KIF6: variants seen among roughly 807,000 people sequenced by gnomAD.
KIF6 encodes kinesin family member 6.
KIF6 carries 106 observed loss-of-function variants against 112.7 expected under a neutral mutation model. The observed-to-expected ratio is 0.94, with a 90% CI of 0.80 to 1.11. The LOEUF (loss-of-function observed/expected upper bound fraction) is 1.11. Among genes scored for constraint, KIF6 ranks in the 50% least tolerant of loss-of-function variants. KIF6 has a pLI of 0.00. For missense variants in KIF6, 929 were observed against 964.0 expected (o/e 0.96, Z 0.48); for synonymous variants, 339 against 339.9 (o/e 1.00, Z 0.03).
intron 13 of KIF6, among the ~76,000 whole-genome samples, chr6:39,503,112 G>A (rs1776226311): frequency 6.6e-6 from 1 of 151,234 alleles, no homozygotes; most frequent in Non-Finnish European, 1.5e-5. Context: ...CTCAGCAAAT[G>A]CAACAAAACT....
intron 21 of KIF6, among the ~76,000 whole-genome samples, chr6:39,344,120 A>T (rs1763530122): frequency 6.6e-6 from 1 of 152,138 alleles, no homozygotes; most frequent in African/African-American, 2.4e-5. Flanking sequence ...ACCAGGTGGG[A>T]GATAACTGAA....
At chr6:39,679,453 G>A (rs892454496) in intron 3 of KIF6, among the ~76,000 whole-genome samples, 4 of 152,102 alleles carry the variant, frequency 2.6e-5, no homozygotes, top group African/African-American at 7.2e-5. Flanking sequence ...CATCTGTCCA[G>A]TAGAATTTTA....
intron 13 of KIF6, among the ~76,000 whole-genome samples, chr6:39,531,629 A>T (rs185320073): frequency 6.6e-6 from 1 of 152,214 alleles, no homozygotes; most frequent in East Asian, 1.9e-4. Context: ...AACAATGTCA[A>T]TTGGGGAAAT....
At chr6:39,483,284 T>C (rs1774916269) in intron 13 of KIF6, among the ~76,000 whole-genome samples, 1 of 152,180 alleles carries the variant, frequency 6.6e-6, no homozygotes, top group Admixed American at 6.5e-5. Context: ...GTGTAAATAA[T>C]CCAGAATCAA....
intron 10 of KIF6, among the ~76,000 whole-genome samples, chr6:39,555,590 T>G (rs1779660919): frequency 6.6e-6 from 1 of 152,160 alleles, no homozygotes; most frequent in Admixed American, 6.5e-5. Context: ...CACGGTCCCA[T>G]AGCCTCCCAC....
chr6:39,629,221 G>T (rs1176254979), intron 5 of KIF6, among the ~76,000 whole-genome samples: 2 of 152,084 alleles, frequency 1.3e-5, no homozygotes, highest in Admixed American at 6.6e-5. Context: ...TATGGTAAAA[G>T]TATGTTTAAT....
Position 39,360,433 on chromosome 6 carries a change from ACT to A in KIF6, c.2042_2043del (p.Glu681ValfsTer2). On this transcript the variant is annotated frameshift_variant, in exon 18 of 23. Transcript: ENST00000287152. LOFTEE classifies it high-confidence loss of function. The stretch of plus-strand genomic sequence containing the variant: ...GCCTCCTCTGCCCACCAGACTTCAA[ACT>A]CTTTCTGTAGCTTCACCTTGGCTTT... Reference protein sequence around the residue: ...MDKAKVKLQKEFEVWWAEEAT... With the variant: ...MDKAKVKLQKXFEVWWAEEAT... The A allele has an allele frequency of 6.2e-7, 1 of 1,613,904 alleles. No homozygotes were observed. The highest frequency in any genetic ancestry group is 8.5e-7 in the Non-Finnish European group (1 of 1,179,988).
chr6:39,512,060 T>A (rs561925489), intron 13 of KIF6, among the ~76,000 whole-genome samples: 1 of 152,152 alleles, frequency 6.6e-6, no homozygotes, highest in Non-Finnish European at 1.5e-5. Flanking sequence ...AACCTGCACG[T>A]TGTGCACATG....
intron 13 of KIF6, among the ~76,000 whole-genome samples, chr6:39,460,720 A>C (rs1273524112): frequency 1.3e-5 from 2 of 152,116 alleles, no homozygotes; most frequent in African/African-American, 4.8e-5. Context: ...TTCTATATGC[A>C]GCTAAATTGC....
At chr6:39,414,206 G>T (rs923831242) in intron 15 of KIF6, among the ~76,000 whole-genome samples, 1 of 152,052 alleles carries the variant, frequency 6.6e-6, no homozygotes, top group Non-Finnish European at 1.5e-5. Context: ...CCCTTAATCA[G>T]GCTTTCTCGA....
intron 13 of KIF6, among the ~76,000 whole-genome samples, chr6:39,503,813 C>T (rs1776273729): frequency 6.8e-6 from 1 of 147,024 alleles, no homozygotes; most frequent in African/African-American, 2.5e-5. Flanking sequence ...ATAACAAGTT[C>T]TGCAACAGAG....
intron 13 of KIF6, among the ~76,000 whole-genome samples, chr6:39,442,036 T>A (rs564653177): frequency 6.6e-6 from 1 of 152,154 alleles, no homozygotes; most frequent in African/African-American, 2.4e-5. Context: ...TGGCACCACA[T>A]CTAAATAAAT....
At chr6:39,645,320 A>C (rs1399752302) in intron 3 of KIF6, among the ~76,000 whole-genome samples, 3 of 152,264 alleles carry the variant, frequency 2.0e-5, no homozygotes, top group African/African-American at 7.2e-5. Flanking sequence ...ACACATTTAC[A>C]TGCTAGAAAA....
At chr6:39,461,673 C>A (rs1437310930) in intron 13 of KIF6, among the ~76,000 whole-genome samples, 1 of 152,066 alleles carries the variant, frequency 6.6e-6, no homozygotes, top group Non-Finnish European at 1.5e-5. Flanking sequence ...TTTATTCTTA[C>A]AGCACATCTT....
At chr6:39,595,780 T>G (rs1335040485) in intron 7 of KIF6, among the ~76,000 whole-genome samples, 2 of 151,818 alleles carry the variant, frequency 1.3e-5, no homozygotes, top group African/African-American at 4.8e-5. Context: ...GAAAGTAGAG[T>G]AGAGATGACC....
chr6:39,480,036 G>A (rs879761844), intron 13 of KIF6, among the ~76,000 whole-genome samples: 7 of 152,050 alleles, frequency 4.6e-5, no homozygotes, highest in East Asian at 1.9e-4. Context: ...TTTGGATGCC[G>A]TTTATTTCTT....
intron 13 of KIF6, among the ~76,000 whole-genome samples, chr6:39,444,129 G>A (rs1012432430): frequency 2.6e-5 from 4 of 152,104 alleles, no homozygotes; most frequent in Admixed American, 6.6e-5. Flanking sequence ...GGGCCTAGTT[G>A]GCAAGGTTAT....
At chr6:39,651,081 C>T (rs1257634933) in intron 3 of KIF6, among the ~76,000 whole-genome samples, 3 of 151,968 alleles carry the variant, frequency 2.0e-5, no homozygotes, top group African/African-American at 4.8e-5. Flanking sequence ...TTTTTAAAAA[C>T]CCAAAGGGCT....
intron 11 of KIF6, among the ~76,000 whole-genome samples, chr6:39,545,116 T>C (rs1778997164): frequency 6.6e-6 from 1 of 152,224 alleles, no homozygotes; most frequent in African/African-American, 2.4e-5. Context: ...TGGCCCTTAG[T>C]AACTCACAAC....
Sources: allele counts gnomAD v4.1 joint callset (sites outside exome capture counted in the v4.1 genomes callset), GRCh38; gene constraint gnomAD v4.1.1; transcripts MANE v1.5; gene names NCBI Gene and HGNC (gene_info 2026-07-23, HGNC 2026-07-21).